TEKTL1: variants seen among roughly 807,000 people sequenced by gnomAD.
TEKTL1 encodes tektin like 1.
At chr19:15,020,783 G>A in the TEKTL1 span, 2,566 of 780,482 alleles carry the variant, frequency 3.3e-3, 56 homozygotes, top group African/African-American at 0.04. Flanking sequence ...TGGGAGGACT[G>A]AAAGCCTATC....
At chr19:15,015,844 A>G in the TEKTL1 span, among the ~76,000 whole-genome samples, 1 of 152,186 alleles carries the variant, frequency 6.6e-6, no homozygotes, top group Non-Finnish European at 1.5e-5. Flanking sequence ...ATGTTATGTC[A>G]TATCTATTTT....
At chr19:15,016,837 CTG>C in the TEKTL1 span, among the ~76,000 whole-genome samples, 1 of 152,194 alleles carries the variant, frequency 6.6e-6, no homozygotes, top group African/African-American at 2.4e-5. Context: ...ATGGGCATGA[CTG>C]TGTTTCAATA....
the TEKTL1 span, chr19:15,021,545 G>A: frequency 3.7e-6 from 6 of 1,613,560 alleles, no homozygotes; most frequent in Middle Eastern, 1.7e-4. Flanking sequence ...GCGGCTGCGG[G>A]CCAGGGTGGG....
chr19:15,021,270 C>T, the TEKTL1 span: 3 of 1,546,774 alleles, frequency 1.9e-6, no homozygotes, highest in Non-Finnish European at 2.6e-6. Context: ...CCAGGGCCCA[C>T]CACCACCTGA....
At chr19:15,012,301 T>G in the TEKTL1 span, among the ~76,000 whole-genome samples, 3 of 150,834 alleles carry the variant, frequency 2.0e-5, no homozygotes, top group Admixed American at 1.3e-4. Context: ...TGGTAGTTTG[T>G]GCTTGTAATC....
At chr19:15,021,731 C>G in the TEKTL1 span, 2 of 1,613,008 alleles carry the variant, frequency 1.2e-6, no homozygotes, top group Admixed American at 3.3e-5. Context: ...GGGGTGAGAG[C>G]CTTCGGGGGT....
chr19:15,014,719 TCAG>T, the TEKTL1 span, among the ~76,000 whole-genome samples: 1 of 40,990 alleles, frequency 2.4e-5, no homozygotes, highest in African/African-American at 1.1e-4. Context: ...GGCAGGAGAC[TCAG>T]TGGGGGGGCG....
the TEKTL1 span, chr19:15,011,322 G>A: frequency 3.3e-6 from 5 of 1,516,144 alleles, no homozygotes; most frequent in Non-Finnish European, 4.4e-6. Context: ...CACAGGCTCA[G>A]CGAAGTGCGC....
At chr19:15,022,475 C>CAT in the TEKTL1 span, among the ~76,000 whole-genome samples, 1 of 151,910 alleles carries the variant, frequency 6.6e-6, no homozygotes, top group Admixed American at 6.6e-5. Flanking sequence ...ATTACAGGTG[C>CAT]GCGCCACCAC....
the TEKTL1 span, chr19:15,010,908 T>C: frequency 3.2e-6 from 5 of 1,572,704 alleles, no homozygotes; most frequent in Non-Finnish European, 4.3e-6. Flanking sequence ...GCTCAGGCCA[T>C]GGCGAGGACC....
chr19:15,021,914 G>C, the TEKTL1 span: 1 of 1,612,652 alleles, frequency 6.2e-7, no homozygotes, highest in Non-Finnish European at 8.5e-7. Flanking sequence ...TGCGCGCCTC[G>C]CACAGGTAAA....
the TEKTL1 span, among the ~76,000 whole-genome samples, chr19:15,016,899 C>T: frequency 3.3e-5 from 5 of 152,166 alleles, no homozygotes; most frequent in Non-Finnish European, 5.9e-5. Flanking sequence ...GGAAATTTAT[C>T]AACTCCTTAA....
At chr19:15,016,185 C>CTTTTTTTTTT in the TEKTL1 span, among the ~76,000 whole-genome samples, 15 of 66,754 alleles carry the variant, frequency 2.2e-4, no homozygotes, top group African/African-American at 7.7e-4. Flanking sequence ...GACAGCTGTC[C>CTTTTTTTTTT]TTTTTTTTTT....
chr19:15,010,778 C>A, the TEKTL1 span: 230 of 1,477,256 alleles, frequency 1.6e-4, 3 homozygotes, highest in South Asian at 3.0e-3. Context: ...GGGGTCCCTT[C>A]CGCTCCGCCT....
the TEKTL1 span, chr19:15,013,745 G>C: frequency 2.5e-6 from 4 of 1,613,622 alleles, no homozygotes; most frequent in Non-Finnish European, 2.5e-6. Context: ...AAAATGGAGA[G>C]AGATATGGAA....
At chr19:15,022,976 G>A in the TEKTL1 span, 2 of 1,613,336 alleles carry the variant, frequency 1.2e-6, no homozygotes, top group Non-Finnish European at 1.7e-6. Context: ...CAAGAACATC[G>A]GGCATGAGGT....
the TEKTL1 span, chr19:15,010,758 G>C: frequency 6.9e-7 from 1 of 1,442,916 alleles, no homozygotes; most frequent in Non-Finnish European, 9.2e-7. Flanking sequence ...GGAAAGAGTT[G>C]TGTGTCTTTG....
the TEKTL1 span, among the ~76,000 whole-genome samples, chr19:15,015,729 C>T: frequency 5.1e-3 from 775 of 152,240 alleles, 6 homozygotes; most frequent in African/African-American, 0.018. Flanking sequence ...AGGGAAGGAA[C>T]AGAACAGGTA....
chr19:15,022,720 C>CG, the TEKTL1 span: 67 of 536,418 alleles, frequency 1.2e-4, 1 homozygote, highest in Non-Finnish European at 1.8e-4. Context: ...TGCCCTGTCG[C>CG]GGTTTTTTTT....
Sources: gnomAD v4.1 joint callset for allele counts (sites outside exome capture counted in the v4.1 genomes callset) on GRCh38, gnomAD v4.1.1 for gene constraint, MANE v1.5 for transcripts, NCBI Gene and HGNC (gene_info 2026-07-23, HGNC 2026-07-21) for gene names.